The following HEATR5A variants were observed in gnomAD, a reference collection of about 807,000 sequenced individuals.
HEATR5A encodes HEAT repeat-containing protein 5A.
In HEATR5A, 178 loss-of-function variants were observed where a neutral mutation model predicts 218.8. That is an observed-to-expected ratio of 0.81 (90% CI 0.72 to 0.92). HEATR5A has a LOEUF of 0.92. Ranked by LOEUF, HEATR5A falls within the 40% of genes least tolerant of loss-of-function variation. The probability of loss-of-function intolerance (pLI) is 0.00; values close to 1 mark genes in which losing one functional copy is unlikely to be tolerated. For synonymous variants in HEATR5A, 864 were observed against 871.6 expected, an observed-to-expected ratio of 0.99 and a Z score of 0.15; for missense variants, 2,420 against 2,418.9, an observed-to-expected ratio of 1.00 and a Z score of -0.01.
At chr14:31,413,425 A>G (rs2031350496) in intron 1 of HEATR5A, among the ~76,000 whole-genome samples, 1 of 150,048 alleles carries the variant, frequency 6.7e-6, no homozygotes, top group Admixed American at 6.6e-5. Context: ...ATGTTATTGT[A>G]AGGAATGAGA....
chr14:31,411,345 T>G (rs961805469), intron 1 of HEATR5A, among the ~76,000 whole-genome samples: 3 of 151,930 alleles, frequency 2.0e-5, no homozygotes, highest in African/African-American at 7.3e-5. Flanking sequence ...ATTTGACATA[T>G]TCAAAGAATA....
intron 19 of HEATR5A, 69 bp downstream of exon 19, chr14:31,347,679 C>T (rs1273252460): frequency 8.7e-5 from 97 of 1,118,694 alleles, no homozygotes; most frequent in Non-Finnish European, 1.2e-5. Flanking sequence ...TATTAATGTT[C>T]AATATAAACA....
chr14:31,355,686 C>T (rs544177232), intron 16 of HEATR5A, among the ~76,000 whole-genome samples: 6 of 151,992 alleles, frequency 3.9e-5, no homozygotes, highest in African/African-American at 9.6e-5. Flanking sequence ...AGTGAGCCAC[C>T]GCACTCCAGC....
chr14:31,330,940 CTTT>C (rs764303670), intron 22 of HEATR5A, among the ~76,000 whole-genome samples: 11 of 75,954 alleles, frequency 1.4e-4, no homozygotes, highest in South Asian at 4.9e-4. Flanking sequence ...CTTCCCTCAC[CTTT>C]TTTTTTTTTT....
rs778537112 is a variant in HEATR5A, at chr14:31,350,689, T to C, written c.2440A>G (p.Ser814Gly). 60 of 1,594,820 alleles carry C rather than the reference T, an allele frequency of 3.8e-5. No individual in the cohort carries two copies. The highest frequency in any genetic ancestry group is 5.1e-5 in the Non-Finnish European group (60 of 1,167,038). ...RLLILEQLLD[S>G]IKHTKGARQQ... ...CGAGCTCCTTTTGTGTGCTTTATAC[T>C]GTCCAAAAGCTGTTCCAATATAAGA... Residue 814 changes from serine (S) to glycine (G), a missense_variant, in exon 17 of 36, where the codon AGT (serine) becomes GGT (glycine). Coordinates refer to ENST00000543095, the MANE Select transcript of HEATR5A (RefSeq NM_015473.4).
intron 20 of HEATR5A, among the ~76,000 whole-genome samples, chr14:31,344,665 T>C (rs976620515): frequency 2.5e-5 from 1 of 40,766 alleles, no homozygotes; most frequent in African/African-American, 4.8e-5. Flanking sequence ...CAGTAGGTTA[T>C]ACCAAATTTT....
intron 1 of HEATR5A, among the ~76,000 whole-genome samples, chr14:31,412,929 T>C (rs946210250): frequency 2.0e-5 from 3 of 152,180 alleles, no homozygotes; most frequent in Non-Finnish European, 2.9e-5. Context: ...ATACATCCTT[T>C]ACAAACTAAA....
chr14:31,320,387 C>A, intron 25 of HEATR5A: 1 of 1,018,400 alleles, frequency 9.8e-7, no homozygotes, highest in South Asian at 1.3e-5. Context: ...AATGCCAGCC[C>A]CTGAATCAGC....
At chr14:31,375,737 G>T (rs753058692) in intron 11 of HEATR5A, among the ~76,000 whole-genome samples, 2 of 151,974 alleles carry the variant, frequency 1.3e-5, no homozygotes, top group Non-Finnish European at 2.9e-5. Context: ...ATAGCAACTT[G>T]TTCCAGGTCA....
chr14:31,305,007 C>G lies in HEATR5A; in HGVS notation c.5137G>C (p.Val1713Leu), dbSNP rs768520007. The G allele has an allele frequency of 1.2e-5, 19 of 1,613,832 alleles. No homozygotes were observed. The highest frequency in any genetic ancestry group is 1.6e-5 in the Non-Finnish European group (19 of 1,179,902). The change falls in exon 32 of 36, where the codon GTA becomes CTA. Residue 1713 changes from valine to leucine, a missense_variant. Coordinates refer to ENST00000543095, the MANE Select transcript of HEATR5A (RefSeq NM_015473.4). Reference protein sequence around the residue: ...LNPKLTGSPGVKATKPQILLE... With the variant: ...LNPKLTGSPGLKATKPQILLE... ...AGTATCTGTGGCTTCGTAGCTTTTACTCCTGGGCTACCTGTCAATTTAGGG... is the reference window on the plus strand; with the variant it reads ...AGTATCTGTGGCTTCGTAGCTTTTAGTCCTGGGCTACCTGTCAATTTAGGG...
At chr14:31,369,618 A>AC (rs1234044322) in intron 13 of HEATR5A, among the ~76,000 whole-genome samples, 1 of 148,146 alleles carries the variant, frequency 6.8e-6, no homozygotes, top group Non-Finnish European at 1.5e-5. Flanking sequence ...CAAAAAAAAA[A>AC]AAAAAAAAAA....
chr14:31,316,057 C>G, intron 26 of HEATR5A, 108 bp from the exon 27 acceptor site: 1 of 809,584 alleles, frequency 1.2e-6, no homozygotes, highest in Middle Eastern at 3.5e-4. Context: ...GTGACGCAGG[C>G]AGATCGCTTG....
intron 20 of HEATR5A, among the ~76,000 whole-genome samples, chr14:31,344,282 T>TTTTTTTTTTC: frequency 7.8e-6 from 1 of 128,780 alleles, no homozygotes; most frequent in Non-Finnish European, 1.7e-5. Flanking sequence ...TTTTTTTTTT[T>TTTTTTTTTTC]TTTTTTTTTT....
chr14:31,297,989 C>A (rs1300016369), intron 33 of HEATR5A, among the ~76,000 whole-genome samples: 1 of 152,168 alleles, frequency 6.6e-6, no homozygotes, highest in Non-Finnish European at 1.5e-5. Flanking sequence ...TGTCTTTATT[C>A]TCAGCAAGAT....
chr14:31,312,776 T>A (rs770919693), intron 28 of HEATR5A, among the ~76,000 whole-genome samples, 192 bp downstream of exon 28: 3 of 152,048 alleles, frequency 2.0e-5, no homozygotes, highest in Non-Finnish European at 4.4e-5. Context: ...TGTGTGCCTG[T>A]AGTCCTTGCT....
intron 21 of HEATR5A, among the ~76,000 whole-genome samples, chr14:31,338,351 A>T (rs2139195903): frequency 6.6e-6 from 1 of 152,298 alleles, no homozygotes; most frequent in Middle Eastern, 3.4e-3. Context: ...GGCAGAAAAC[A>T]TTCACCAAAA....
Position 31,358,815 on chromosome 14 carries a change from A to T in HEATR5A, c.2236-3T>A. The T allele has an allele frequency of 3.7e-6, 6 of 1,612,654 alleles. No homozygotes were observed. The Admixed American group carries it at 1.0e-4, about 27-fold the overall frequency. ...GCAACACCATTACCAAGCAGGAGCT[A>T]AAAGGGAAAAAAAGTATATAAGGTT... On this transcript the variant is annotated splice_polypyrimidine_tract_variant and splice_region_variant and intron_variant, in intron 15 of 35. Coordinates refer to ENST00000543095, the MANE Select transcript of HEATR5A (RefSeq NM_015473.4).
At position 31,364,176 on chromosome 14, in the gene HEATR5A, C is replaced by G. The variant is rs1901724012; in HGVS notation, c.2071+13G>C. On this transcript the variant is annotated intron_variant, in intron 14 of 35. Coordinates refer to ENST00000543095, the MANE Select transcript of HEATR5A (RefSeq NM_015473.4). ...GCCACAAACAAAAAAACATTTTGGT[C>G]TAAGGCACATACCTTCATAGGTCTC... The G allele has an allele frequency of 7.9e-7, 1 of 1,265,812 alleles. No individual in the cohort carries two copies. 78.4% of individuals were successfully genotyped at this position (1,265,812 alleles called of 1,614,324 possible).
chr14:31,346,760 G>A (rs759998411), intron 19 of HEATR5A, among the ~76,000 whole-genome samples: 1 of 152,100 alleles, frequency 6.6e-6, no homozygotes, highest in African/African-American at 2.4e-5. Context: ...GAGAGAGTTC[G>A]AAAGAAAAGG....
Sources: gnomAD v4.1 joint callset for allele counts (sites outside exome capture counted in the v4.1 genomes callset) on GRCh38, gnomAD v4.1.1 for gene constraint, MANE v1.5 for transcripts, NCBI Gene and HGNC (gene_info 2026-07-23, HGNC 2026-07-21) for gene names.